Variants in LRGUK observed in about 807,000 individuals in gnomAD.
The protein encoded by LRGUK is leucine rich repeats and guanylate kinase domain containing.
LRGUK carries 65 observed loss-of-function variants against 76.0 expected under a neutral mutation model. The ratio of observed to expected loss-of-function variants is 0.85; its 90% confidence interval spans 0.70 to 1.05. The LOEUF (loss-of-function observed/expected upper bound fraction) is 1.05. Ranked by LOEUF, LRGUK falls within the 50% of genes least tolerant of loss-of-function variation. LRGUK has a pLI of 0.00. For synonymous variants in LRGUK, 268 were observed against 265.6 expected, an observed-to-expected ratio of 1.01 and a Z score of -0.09; for missense variants, 758 against 732.8, an observed-to-expected ratio of 1.03 and a Z score of -0.40.
chr7:134,149,985 G>A (rs1310045054), intron 5 of LRGUK, among the ~76,000 whole-genome samples: 1 of 152,152 alleles, frequency 6.6e-6, no homozygotes, highest in Non-Finnish European at 1.5e-5. Flanking sequence ...AGAAACACTG[G>A]TTGGTCTAGG....
chr7:134,190,635 C>A (rs1457266453), intron 11 of LRGUK, among the ~76,000 whole-genome samples: 7 of 152,182 alleles, frequency 4.6e-5, no homozygotes, highest in Admixed American at 4.6e-4. Flanking sequence ...TCTTGTAGGA[C>A]CAACACTGGC....
intron 6 of LRGUK, 135 bp from the exon 7 acceptor site, chr7:134,163,262 G>C: frequency 5.9e-6 from 4 of 681,552 alleles, no homozygotes; most frequent in Non-Finnish European, 9.5e-6. Flanking sequence ...ATGGAAATGG[G>C]ATGGAGGGAA....
At chr7:134,214,775 A>AACACACACACAC (rs56096728), downstream of LRGUK, among the ~76,000 whole-genome samples, 11 of 146,852 alleles carry the variant, frequency 7.5e-5, no homozygotes, top group African/African-American at 2.8e-4. Context: ...ATTAAATTTA[A>AACACACACACAC]ACACACACAC....
chr7:134,214,604 G>A (rs150157704), downstream of LRGUK, among the ~76,000 whole-genome samples: 53 of 152,234 alleles, frequency 3.5e-4, 1 homozygote, highest in East Asian at 3.5e-3. Flanking sequence ...TATTTATTGC[G>A]TAGTAAGTAG....
chr7:134,258,342 G>A, exon 19 of LRGUK: 1 of 1,614,086 alleles, frequency 6.2e-7, no homozygotes, highest in Non-Finnish European at 8.5e-7. Flanking sequence ...GCCTCCGGAG[G>A]GGAGCATTTC....
intron 16 of LRGUK, among the ~76,000 whole-genome samples, chr7:134,239,202 T>C (rs1802077542): frequency 1.3e-5 from 2 of 152,200 alleles, no homozygotes; most frequent in Admixed American, 1.3e-4. Flanking sequence ...CAGGTTCATC[T>C]TGCTGGGGCT....
At chr7:134,200,234 A>G (rs1373718962) in intron 14 of LRGUK, among the ~76,000 whole-genome samples, 2 of 151,372 alleles carry the variant, frequency 1.3e-5, no homozygotes, top group African/African-American at 4.9e-5. Flanking sequence ...ACAGGGTTTA[A>G]CCATGTTGTC....
intron 15 of LRGUK, 140 bp from the exon 16 acceptor site, chr7:134,221,639 T>C (rs1463868596): frequency 3.8e-6 from 2 of 529,698 alleles, no homozygotes; most frequent in Non-Finnish European, 6.0e-6. Context: ...TATATTTTTA[T>C]TTTATTTTAA....
Position 134,156,558 on chromosome 7 carries a change from T to C in LRGUK, c.671-1477T>C, listed in dbSNP as rs1402128132. Among the ~76,000 whole-genome samples, 6 of 152,190 alleles carry C rather than the reference T, an allele frequency of 3.9e-5. No individual in the cohort carries two copies. The South Asian group carries it at 8.3e-4, about 21-fold the overall frequency. Reference sequence around the variant, plus strand: ...GGAGCAAGAAAAAGAAAGTTCTTGGTACATTCCAGAACTATTGTGAAATTG... The same window carrying C: ...GGAGCAAGAAAAAGAAAGTTCTTGGCACATTCCAGAACTATTGTGAAATTG... On this transcript the variant is annotated intron_variant, in intron 5 of 15. Coordinates refer to ENST00000645682, the Ensembl canonical transcript of LRGUK.
Position 134,199,434 on chromosome 7 carries a change from CA to C in LRGUK, c.1747+14del. 1 of 1,602,358 alleles carries C rather than the reference CA, an allele frequency of 6.2e-7. No homozygotes were observed. Among genetic ancestry groups the C allele is most frequent in the Non-Finnish European group, 8.5e-7 (1 of 1,172,198 alleles). ...GTAATCAATGCAGGTTGGTAATTTT[CA>C]GCAAAGTTTTGTTTTTGAAATGTAA... On this transcript the variant is annotated intron_variant, in intron 14 of 15. Coordinates refer to ENST00000645682, the Ensembl canonical transcript of LRGUK.
chr7:134,230,733 C>T (rs111833586), intron 16 of LRGUK, among the ~76,000 whole-genome samples: 16 of 152,278 alleles, frequency 1.1e-4, no homozygotes, highest in African/African-American at 2.6e-4. Context: ...AAAAAGAATA[C>T]GCGCTATACA....
intron 15 of LRGUK, among the ~76,000 whole-genome samples, chr7:134,218,329 G>A (rs1356255259): frequency 1.3e-5 from 2 of 152,098 alleles, no homozygotes; most frequent in Non-Finnish European, 2.9e-5. Context: ...CTGTTTCTAA[G>A]TCATCCATTT....
At chr7:134,263,793 T>G in intron 19 of LRGUK, 52 bp from the exon 20 acceptor site, 1 of 1,540,956 alleles carries the variant, frequency 6.5e-7, no homozygotes, top group South Asian at 1.2e-5. Context: ...CTTATTCTCT[T>G]TGTACCAAGA....
At chr7:134,215,426 CA>C (rs1446073643) in intron 15 of LRGUK, among the ~76,000 whole-genome samples, 1 of 152,100 alleles carries the variant, frequency 6.6e-6, no homozygotes, top group Non-Finnish European at 1.5e-5. Flanking sequence ...GGCCTGTTAC[CA>C]GACTTCCCCC....
chr7:134,236,644 A>G (rs1802023685), intron 16 of LRGUK, among the ~76,000 whole-genome samples: 1 of 152,206 alleles, frequency 6.6e-6, no homozygotes, highest in African/African-American at 2.4e-5. Context: ...GGTAGATAAC[A>G]TCTGTTTTTC....
intron 15 of LRGUK, among the ~76,000 whole-genome samples, chr7:134,219,672 C>T (rs763495952): frequency 6.6e-6 from 1 of 151,984 alleles, no homozygotes; most frequent in Non-Finnish European, 1.5e-5. Context: ...ACAGGATGCA[C>T]CTCCTTTGTC....
chr7:134,137,063 A>G, exon 2 of LRGUK: 3 of 1,613,622 alleles, frequency 1.9e-6, no homozygotes, highest in Non-Finnish European at 1.7e-6. Context: ...GCTGTGGCCA[A>G]AGCACTCCAT....
At chr7:134,203,978 C>T (rs1800897430) in intron 15 of LRGUK, among the ~76,000 whole-genome samples, 1 of 152,168 alleles carries the variant, frequency 6.6e-6, no homozygotes, top group East Asian at 1.9e-4. Flanking sequence ...CCCTACGTTA[C>T]CCACCCTGCC....
chr7:134,233,584 C>G (rs968200108), intron 16 of LRGUK, among the ~76,000 whole-genome samples: 3 of 152,218 alleles, frequency 2.0e-5, no homozygotes, highest in Non-Finnish European at 2.9e-5. Context: ...TTTCAATACT[C>G]TTAGGACCCA....
Sources: gnomAD v4.1 joint callset for allele counts (sites outside exome capture counted in the v4.1 genomes callset) on GRCh38, gnomAD v4.1.1 for gene constraint, MANE v1.5 for transcripts, NCBI Gene and HGNC (gene_info 2026-07-23, HGNC 2026-07-21) for gene names.